The following SPEF2 variants were observed in gnomAD, a reference collection of about 807,000 sequenced individuals.
SPEF2 encodes sperm flagella and cilia-associated protein 2.
In SPEF2, 187 loss-of-function variants were observed where a neutral mutation model predicts 224.6. The ratio of observed to expected loss-of-function variants is 0.83; its 90% CI spans 0.74 to 0.94. The LOEUF is 0.94. Ranked by LOEUF, SPEF2 falls within the 40% of genes least tolerant of loss-of-function variation. The pLI is 0.00. For missense variants in SPEF2, 2,170 were observed against 2,135.6 expected (o/e 1.02, Z -0.32); for synonymous variants, 715 against 707.3 (o/e 1.01, Z -0.17).
intron 20 of SPEF2, among the ~76,000 whole-genome samples, chr5:35,720,443 C>T (rs1580440542): frequency 6.6e-6 from 1 of 152,288 alleles, no homozygotes; most frequent in East Asian, 1.9e-4. Context: ...TCCAGTGTCA[C>T]AATCTCCAAA....
Position 35,659,101 on chromosome 5 carries a change from A to G in SPEF2, c.1061A>G (p.His354Arg), listed in dbSNP as rs1435441804. 3.1e-6 allele frequency: 5 copies of G among 1,613,340 alleles called. 1 individual carries two copies. The highest frequency in any genetic ancestry group is 1.7e-4 in the Middle Eastern group (1 of 6,058). ...QERRIAVQLM[H>R]VRHEKEVLWQ... Reference sequence around the variant, plus strand: ...CGCAGGATTGCCGTGCAGCTCATGCATGTTCGGCATGAAAAGGAAGTTTTA... The same window carrying G: ...CGCAGGATTGCCGTGCAGCTCATGCGTGTTCGGCATGAAAAGGAAGTTTTA... Residue 354 changes from histidine (H) to arginine (R), a missense_variant, in exon 8 of 37, where the codon CAT becomes CGT. By Grantham distance (29) the His-to-Arg change is conservative. Transcript: ENST00000356031.
chr5:35,638,523 T>A (rs1561111676), intron 2 of SPEF2, among the ~76,000 whole-genome samples: 2 of 152,202 alleles, frequency 1.3e-5, no homozygotes, highest in African/African-American at 4.8e-5. Flanking sequence ...GTATTTATTC[T>A]GAAATGCCAG....
intron 34 of SPEF2, 108 bp downstream of exon 34, chr5:35,800,255 T>C: frequency 8.1e-7 from 1 of 1,233,616 alleles, no homozygotes; most frequent in Non-Finnish European, 1.1e-6. Flanking sequence ...TTTTCCTAGG[T>C]GTGTAATATG....
chr5:35,762,376 C>T (rs867922876), intron 25 of SPEF2, among the ~76,000 whole-genome samples: 1 of 152,160 alleles, frequency 6.6e-6, no homozygotes, highest in South Asian at 2.1e-4. Context: ...AAGCCTTACC[C>T]GAACTTATTG....
At chr5:35,640,320 A>T (rs1746441944) in intron 2 of SPEF2, among the ~76,000 whole-genome samples, 1 of 152,162 alleles carries the variant, frequency 6.6e-6, no homozygotes, top group Non-Finnish European at 1.5e-5. Flanking sequence ...CTTTCCAATT[A>T]TGTGTAGTGA....
At chr5:35,770,920 T>C (rs10058723) in intron 26 of SPEF2, among the ~76,000 whole-genome samples, 9,529 of 152,118 alleles carry the variant, frequency 0.063, 907 homozygotes, top group African/African-American at 0.2. Context: ...TGGGGTTAGC[T>C]TGTGGAATGG....
intron 2 of SPEF2, among the ~76,000 whole-genome samples, chr5:35,630,676 G>A (rs1293664606): frequency 6.6e-6 from 1 of 151,880 alleles, no homozygotes; most frequent in Non-Finnish European, 1.5e-5. Flanking sequence ...AGCCTGGGCA[G>A]CAGAGCGAGA....
chr5:35,673,699 A>AATGGCAAATT (rs1751495461), intron 10 of SPEF2, among the ~76,000 whole-genome samples: 2 of 152,186 alleles, frequency 1.3e-5, no homozygotes, highest in Non-Finnish European at 2.9e-5. Flanking sequence ...ATTAGTGTTT[A>AATGGCAAATT]AGTTCATGAT....
chr5:35,792,432 C>G lies in SPEF2; in HGVS notation c.4540C>G (p.Leu1514Val), dbSNP rs759917364. ...TNNFPSNWMH[L>V]TQPELQELTS... The stretch of plus-strand genomic sequence containing the variant: ...CAACTTTCCTAGTAATTGGATGCAC[C>G]TTACCCAACCTGAAGTAAGCTTCTA... The change falls in exon 31 of 37, where the codon CTT becomes GTT. Residue 1514 changes from leucine (L) to valine (V), a missense_variant. Physicochemically the swap from Leu to Val is conservative, Grantham distance 32. Coordinates refer to ENST00000356031, the MANE Select transcript of SPEF2 (RefSeq NM_024867.4). The G allele has an allele frequency of 6.2e-7, 1 of 1,613,542 alleles. No individual in the cohort carries two copies. The highest frequency in any genetic ancestry group is 1.1e-5 in the South Asian group (1 of 91,030).
intron 10 of SPEF2, among the ~76,000 whole-genome samples, chr5:35,674,357 T>C (rs62351873): frequency 7.5e-6 from 1 of 133,268 alleles, no homozygotes; most frequent in Admixed American, 7.8e-5. Flanking sequence ...TTTTTTTTTT[T>C]GGTGTTTCCA....
chr5:35,800,852 G>C (rs907007019), intron 34 of SPEF2, among the ~76,000 whole-genome samples: 1 of 152,174 alleles, frequency 6.6e-6, no homozygotes, highest in Non-Finnish European at 1.5e-5. Context: ...GAGGGGAAAA[G>C]ATTGCTGCCC....
intron 10 of SPEF2, among the ~76,000 whole-genome samples, chr5:35,680,937 TC>T (rs549611764): frequency 1.5e-3 from 225 of 152,282 alleles, no homozygotes; most frequent in Non-Finnish European, 2.7e-3. Flanking sequence ...CTTGGTTATT[TC>T]TAATAATCTT....
intron 2 of SPEF2, among the ~76,000 whole-genome samples, chr5:35,637,916 A>T (rs1374487075): frequency 6.6e-6 from 1 of 152,130 alleles, no homozygotes; most frequent in African/African-American, 2.4e-5. Context: ...GTTCTTATAC[A>T]TATAGATTGA....
At chr5:35,785,643 C>T (rs753495986) in intron 30 of SPEF2, among the ~76,000 whole-genome samples, 2 of 151,766 alleles carry the variant, frequency 1.3e-5, no homozygotes, top group African/African-American at 2.4e-5. Context: ...ACAACCCCCC[C>T]CCACCTCAGC....
chr5:35,661,399 A>G lies in SPEF2; in HGVS notation c.1167+2192A>G, dbSNP rs1414871512. 9.5e-5 allele frequency among the ~76,000 whole-genome samples: 14 copies of G among 148,020 alleles called. No homozygotes were observed. The Admixed American group carries it at 9.5e-4, about 10-fold the overall frequency. ...TATATACCAAGATAAATATATATAT[A>G]TATTTGTTAACAAAAAATATATATA... On this transcript the variant is annotated intron_variant, in intron 8 of 36. Transcript: ENST00000356031.
chr5:35,758,038 A>T (rs72738869), intron 24 of SPEF2, among the ~76,000 whole-genome samples: 41,787 of 152,040 alleles, frequency 0.27, 5,925 homozygotes, highest in African/African-American at 0.33. Flanking sequence ...CTTTTGTTGT[A>T]GACTGCAACA....
chr5:35,760,042 T>C (rs77750973), intron 25 of SPEF2, among the ~76,000 whole-genome samples: 2,943 of 152,198 alleles, frequency 0.019, 99 homozygotes, highest in African/African-American at 0.068. Context: ...TGAAACACTT[T>C]TGGCCCCAAC....
intron 28 of SPEF2, 34 bp from the exon 29 acceptor site, chr5:35,776,223 A>G (rs1753596737): frequency 6.3e-7 from 1 of 1,589,314 alleles, no homozygotes; most frequent in African/African-American, 1.4e-5. Context: ...GCACTGCAAT[A>G]TGTTAAAACA....
chr5:35,776,393 C>T lies in SPEF2; in HGVS notation c.4215C>T (p.Ala1405=), dbSNP rs781092518. 11 of 1,607,008 alleles carry T rather than the reference C, an allele frequency of 6.8e-6. No individual in the cohort carries two copies. The highest frequency in any genetic ancestry group is 2.2e-5 in the South Asian group (2 of 89,690). ...GTGAGAGGTATTTGAATGAAATGGC[C>T]AGGTAAAGTACTACATGACTTTCTG... ...WLGERYLNEM[A]STEKLTDVAR... The change falls in exon 29 of 37, where the codon GCC becomes GCT. Residue 1405 remains alanine (A), a splice_region_variant and synonymous_variant. Transcript: ENST00000356031.
Sources: allele counts gnomAD v4.1 joint callset (sites outside exome capture counted in the v4.1 genomes callset), GRCh38; gene constraint gnomAD v4.1.1; transcripts MANE v1.5; gene names NCBI Gene and HGNC (gene_info 2026-07-23, HGNC 2026-07-21).